The following EYA1 variants were observed in gnomAD, a reference collection of about 807,000 sequenced individuals.
EYA1 encodes the protein protein phosphatase EYA1.
EYA1 carries 16 observed loss-of-function variants against 82.0 expected under a neutral mutation model. The observed-to-expected ratio is 0.20, with a 90% CI of 0.13 to 0.30. The LOEUF (loss-of-function observed/expected upper bound fraction) is 0.30. EYA1 is among the 10% of genes least tolerant of loss of function. The pLI is 1.00. For missense variants in EYA1, 633 were observed against 730.7 expected (o/e 0.87, Z 1.54); for synonymous variants, 261 against 264.4 (o/e 0.99, Z 0.12).
intron 2 of EYA1, among the ~76,000 whole-genome samples, chr8:71,453,897 C>T (rs1199778803): frequency 6.6e-6 from 1 of 152,146 alleles, no homozygotes; most frequent in Non-Finnish European, 1.5e-5. Flanking sequence ...ATCATAATGA[C>T]AGGATCAAGT....
At chr8:71,300,634 G>GA (rs150319553) in intron 7 of EYA1, among the ~76,000 whole-genome samples, 2,088 of 151,710 alleles carry the variant, frequency 0.014, 35 homozygotes, top group African/African-American at 0.048. Flanking sequence ...TTTACTCTAA[G>GA]AAAAAAAATT....
chr8:71,322,958 G>T (rs549511081), intron 4 of EYA1, among the ~76,000 whole-genome samples: 8 of 152,038 alleles, frequency 5.3e-5, no homozygotes, highest in Non-Finnish European at 1.0e-4. Context: ...TTTTAAAGAG[G>T]TATTTAAGCA....
At chr8:71,526,369 T>C (rs955699565) in intron 2 of EYA1, among the ~76,000 whole-genome samples, 1 of 152,148 alleles carries the variant, frequency 6.6e-6, no homozygotes, top group African/African-American at 2.4e-5. Flanking sequence ...TGATTATCAA[T>C]TTTAATGGAA....
chr8:71,470,834 T>A (rs1047952386), intron 2 of EYA1: 3 of 452,690 alleles, frequency 6.6e-6, no homozygotes, highest in Admixed American at 2.4e-5. Context: ...TAGTACTACA[T>A]GATGAAAAAA....
chr8:71,246,718 A>G (rs1199442698), intron 11 of EYA1, among the ~76,000 whole-genome samples: 1 of 152,008 alleles, frequency 6.6e-6, no homozygotes, highest in Non-Finnish European at 1.5e-5. Flanking sequence ...ATAGACTAAT[A>G]AAAAAAATCT....
chr8:71,264,458 A>G (rs1333487362), intron 11 of EYA1, among the ~76,000 whole-genome samples: 1 of 152,208 alleles, frequency 6.6e-6, no homozygotes, highest in Non-Finnish European at 1.5e-5. Flanking sequence ...GTGAGTTATA[A>G]AACAAATACT....
At chr8:71,203,003 C>CT (rs374918573) in intron 17 of EYA1, among the ~76,000 whole-genome samples, 6 of 152,016 alleles carry the variant, frequency 3.9e-5, no homozygotes, top group East Asian at 1.9e-4. Flanking sequence ...ACAAAGTAAA[C>CT]TTTTTTTTCT....
intron 2 of EYA1, among the ~76,000 whole-genome samples, chr8:71,408,729 C>G (rs1420561585): frequency 7.6e-6 from 1 of 132,416 alleles, no homozygotes; most frequent in Non-Finnish European, 1.6e-5. Context: ...AAAGCAAGTC[C>G]TGAGTGACCT....
At chr8:71,342,619 C>T (rs2129054685) in intron 3 of EYA1, among the ~76,000 whole-genome samples, 1 of 152,262 alleles carries the variant, frequency 6.6e-6, no homozygotes, top group South Asian at 2.1e-4. Flanking sequence ...CAAAAACCTA[C>T]TATGAATTTG....
chr8:71,220,867 G>C (rs1005814130), intron 12 of EYA1, among the ~76,000 whole-genome samples: 2 of 152,162 alleles, frequency 1.3e-5, no homozygotes, highest in African/African-American at 4.8e-5. Flanking sequence ...GAGGGCAGAG[G>C]AGGAGAAGAG....
intron 2 of EYA1, among the ~76,000 whole-genome samples, chr8:71,468,736 G>T (rs374793489): frequency 1.3e-5 from 2 of 151,976 alleles, no homozygotes; most frequent in African/African-American, 4.8e-5. Context: ...CAGTAATTCC[G>T]GGTTCACCAT....
Position 71,396,658 on chromosome 8 carries a change from G to A in EYA1, c.34-40147C>T, listed in dbSNP as rs552004642. Among the ~76,000 whole-genome samples the A allele has an allele frequency of 8.5e-5, 13 of 152,306 alleles. No homozygotes were observed. In the East Asian group the frequency reaches 2.3e-3, roughly 27 times the overall value. The stretch of plus-strand genomic sequence containing the variant: ...TGATTGCACTGTGGTCTGTGAGACA[G>A]TTTGTTATAATTTCTGTTCTTTCAC... On this transcript the variant is annotated intron_variant, in intron 2 of 18. Coordinates refer to the EYA1 transcript ENST00000643681.
intron 12 of EYA1, among the ~76,000 whole-genome samples, chr8:71,229,599 A>G (rs568425369): frequency 4.6e-5 from 7 of 152,332 alleles, no homozygotes; most frequent in African/African-American, 1.7e-4. Context: ...CAATCAGTTA[A>G]TAGATAATGT....
intron 9 of EYA1, among the ~76,000 whole-genome samples, chr8:71,291,361 T>C (rs1373626541): frequency 1.3e-5 from 2 of 152,210 alleles, no homozygotes; most frequent in Non-Finnish European, 2.9e-5. Context: ...TGGTTTCCCA[T>C]GCATATTGAA....
chr8:71,362,602 G>A (rs1280873742), upstream of EYA1, among the ~76,000 whole-genome samples: 2 of 152,164 alleles, frequency 1.3e-5, no homozygotes, highest in Non-Finnish European at 2.9e-5. Flanking sequence ...AAGCAAACGT[G>A]CAAGCTTTTA....
At chr8:71,414,017 G>A (rs1293685609) in intron 2 of EYA1, among the ~76,000 whole-genome samples, 1 of 152,170 alleles carries the variant, frequency 6.6e-6, no homozygotes, top group African/African-American at 2.4e-5. Context: ...GTAAGGGTAG[G>A]AAAGAAAGTA....
At chr8:71,388,125 C>T (rs1325710062) in intron 2 of EYA1, among the ~76,000 whole-genome samples, 1 of 152,138 alleles carries the variant, frequency 6.6e-6, no homozygotes, top group African/African-American at 2.4e-5. Context: ...ATACCTTGCC[C>T]AAGGTCACTA....
intron 7 of EYA1, among the ~76,000 whole-genome samples, chr8:71,316,105 T>C (rs185067718): frequency 5.6e-4 from 86 of 152,262 alleles, no homozygotes; most frequent in African/African-American, 2.0e-3. Context: ...AAAAAACGTT[T>C]TATGTTTTTT....
At chr8:71,371,648 A>G (rs760193297) in intron 2 of EYA1, among the ~76,000 whole-genome samples, 184 of 152,350 alleles carry the variant, frequency 1.2e-3, no homozygotes, top group Middle Eastern at 6.8e-3. Context: ...TGTAGAAACC[A>G]AATGAAAAGC....
Sources: allele counts gnomAD v4.1 joint callset (sites outside exome capture counted in the v4.1 genomes callset), GRCh38; gene constraint gnomAD v4.1.1; transcripts MANE v1.5; gene names NCBI Gene and HGNC (gene_info 2026-07-23, HGNC 2026-07-21).